The following COBLL1 variants were observed in gnomAD, a reference collection of about 807,000 sequenced individuals.
COBLL1 encodes cordon-bleu protein-like 1.
COBLL1 carries 50 observed loss-of-function variants against 94.8 expected under a neutral mutation model. The ratio of observed to expected loss-of-function variants is 0.53; its 90% confidence interval spans 0.42 to 0.67. COBLL1 has a LOEUF of 0.67. Ranked by LOEUF, COBLL1 falls within the 30% of genes least tolerant of loss-of-function variation. The pLI, the probability that COBLL1 is intolerant of heterozygous loss-of-function variation, is 0.00. For synonymous variants in COBLL1, 448 were observed against 473.8 expected, an observed-to-expected ratio of 0.95 and a Z score of 0.71; for missense variants, 1,362 against 1,348.7, an observed-to-expected ratio of 1.01 and a Z score of -0.15.
chr2:164,839,008 A>G (rs1265818050), intron 2 of COBLL1, among the ~76,000 whole-genome samples: 2 of 152,230 alleles, frequency 1.3e-5, no homozygotes, highest in Non-Finnish European at 2.9e-5. Context: ...CTTATATGAC[A>G]GGCATTCGGA....
intron 2 of COBLL1, among the ~76,000 whole-genome samples, chr2:164,795,994 G>A (rs1016716443): frequency 2.0e-5 from 3 of 152,142 alleles, no homozygotes; most frequent in East Asian, 1.9e-4. Context: ...CTGGTGAGAC[G>A]CATGGTGGCA....
chr2:164,785,809 T>A (rs1044931002), intron 2 of COBLL1, among the ~76,000 whole-genome samples: 7 of 151,768 alleles, frequency 4.6e-5, no homozygotes, highest in Admixed American at 4.6e-4. Context: ...CATCAGAGGC[T>A]TATTCTCAAA....
At chr2:164,777,437 C>T (rs1688519082) in intron 2 of COBLL1, among the ~76,000 whole-genome samples, 1 of 151,886 alleles carries the variant, frequency 6.6e-6, no homozygotes, top group South Asian at 2.1e-4. Flanking sequence ...GCGTACCTTC[C>T]TAAGGATGCT....
chr2:164,749,260 T>C (rs1225954006), intron 2 of COBLL1, among the ~76,000 whole-genome samples: 1 of 152,200 alleles, frequency 6.6e-6, no homozygotes. Flanking sequence ...ATTTATAAAG[T>C]ATTCTTATAG....
intron 4 of COBLL1, among the ~76,000 whole-genome samples, chr2:164,728,871 C>G (rs1685847296): frequency 6.6e-6 from 1 of 151,942 alleles, no homozygotes; most frequent in Non-Finnish European, 1.5e-5. Flanking sequence ...TTTTAAGCGT[C>G]TCATCATTTT....
At chr2:164,795,628 T>C (rs1215184787) in intron 2 of COBLL1, among the ~76,000 whole-genome samples, 1 of 152,144 alleles carries the variant, frequency 6.6e-6, no homozygotes, top group Non-Finnish European at 1.5e-5. Flanking sequence ...TTTTTAATCA[T>C]ACAGAACATA....
intron 3 of COBLL1, among the ~76,000 whole-genome samples, chr2:164,737,167 A>C (rs1686351236): frequency 1.3e-5 from 2 of 152,160 alleles, no homozygotes. Context: ...GTCTCTAGAA[A>C]AATTTAAAAA....
chr2:164,773,778 A>G, intron 2 of COBLL1: 2 of 1,291,770 alleles, frequency 1.5e-6, no homozygotes, highest in Non-Finnish European at 2.0e-6. Flanking sequence ...TGCTGAACCA[A>G]CTGTCCTGCT....
chr2:164,735,514 A>G (rs1686250610), intron 3 of COBLL1, among the ~76,000 whole-genome samples: 2 of 152,184 alleles, frequency 1.3e-5, no homozygotes, highest in Admixed American at 1.3e-4. Flanking sequence ...GACCCTGACC[A>G]CAAGATTTTG....
intron 7 of COBLL1, among the ~76,000 whole-genome samples, chr2:164,709,472 C>G (rs1381375081): frequency 6.6e-6 from 1 of 152,170 alleles, no homozygotes. Context: ...AATCCCAGCA[C>G]TTTGGGAAGC....
In COBLL1 at chr2:164,702,360, G is replaced by A. The variant is rs187394528; in HGVS notation, c.1226-1604C>T. ...GGGCGGATCACAAGGTCAGGAGATC[G>A]AGACCATCCTGGCCAACATAGTGAA... On this transcript the variant is annotated intron_variant, in intron 9 of 13. Coordinates refer to ENST00000652658, the MANE Select transcript of COBLL1 (RefSeq NM_001365672.2). Among the ~76,000 whole-genome samples the A allele has an allele frequency of 4.0e-3, 613 of 151,632 alleles. 8 individuals are homozygous for A. Among genetic ancestry groups the A allele is most frequent in the East Asian group, 0.019 (100 of 5,132 alleles).
At chr2:164,803,808 G>T (rs930720746) in intron 2 of COBLL1, among the ~76,000 whole-genome samples, 2 of 152,008 alleles carry the variant, frequency 1.3e-5, no homozygotes, top group Non-Finnish European at 2.9e-5. Flanking sequence ...GGTACTTGAA[G>T]CTTGTCACAG....
chr2:164,813,695 A>C (rs1412803979), intron 2 of COBLL1, among the ~76,000 whole-genome samples: 1 of 152,214 alleles, frequency 6.6e-6, no homozygotes, highest in African/African-American at 2.4e-5. Flanking sequence ...CTCCAGCATC[A>C]CAACTGAACT....
intron 5 of COBLL1, chr2:164,727,091 A>G (rs1454842893): frequency 1.4e-6 from 2 of 1,398,898 alleles, no homozygotes; most frequent in South Asian, 2.7e-5. Context: ...GTTTCTACTG[A>G]TTCATACATC....
chr2:164,687,691 A>G (rs1037968917), intron 13 of COBLL1: 3 of 724,632 alleles, frequency 4.1e-6, no homozygotes, highest in Admixed American at 3.7e-5. Flanking sequence ...AACAGGCTGC[A>G]TACACCACCA....
chr2:164,699,339 G>A (rs1234412163), intron 11 of COBLL1, 66 bp downstream of exon 11: 5 of 1,003,260 alleles, frequency 5.0e-6, no homozygotes, highest in African/African-American at 3.2e-5. Context: ...CATATAAAGT[G>A]TTAAGAACTG....
At chr2:164,773,786 G>T (rs1170945749) in intron 2 of COBLL1, 12 of 1,274,104 alleles carry the variant, frequency 9.4e-6, no homozygotes, top group Non-Finnish European at 1.0e-5. Context: ...CAACTGTCCT[G>T]CTCTGTTACT....
At chr2:164,768,785 T>A (rs1210387999) in intron 2 of COBLL1, among the ~76,000 whole-genome samples, 1 of 152,152 alleles carries the variant, frequency 6.6e-6, no homozygotes, top group Non-Finnish European at 1.5e-5. Flanking sequence ...CAAACGACAT[T>A]TCTAAAAATC....
At chr2:164,702,574 A>ATAAT (rs1160044049) in intron 9 of COBLL1, among the ~76,000 whole-genome samples, 2 of 147,088 alleles carry the variant, frequency 1.4e-5, no homozygotes, top group South Asian at 2.1e-4. Flanking sequence ...AAAAAAAAAA[A>ATAAT]AAATAATAAT....
Sources: allele counts gnomAD v4.1 joint callset (sites outside exome capture counted in the v4.1 genomes callset), GRCh38; gene constraint gnomAD v4.1.1; transcripts MANE v1.5; gene names NCBI Gene and HGNC (gene_info 2026-07-23, HGNC 2026-07-21).